Variants in ARHGEF2 observed in about 807,000 individuals in gnomAD.
ARHGEF2 encodes rho guanine nucleotide exchange factor 2.
ARHGEF2 carries 22 observed loss-of-function variants against 121.0 expected under a neutral mutation model. That is an observed-to-expected ratio of 0.18 (90% confidence interval 0.13 to 0.26). ARHGEF2 has a LOEUF of 0.26. Among genes scored for constraint, ARHGEF2 ranks in the 10% least tolerant of loss-of-function variants. ARHGEF2 has a pLI of 1.00. For synonymous variants in ARHGEF2, 487 were observed against 530.0 expected, an observed-to-expected ratio of 0.92 and a Z score of 1.11; for missense variants, 907 against 1,336.0, an observed-to-expected ratio of 0.68 and a Z score of 5.01.
At chr1:155,956,367 G>A (rs1278751021) in intron 13 of ARHGEF2, among the ~76,000 whole-genome samples, 4 of 151,886 alleles carry the variant, frequency 2.6e-5, no homozygotes, top group Admixed American at 6.6e-5. Flanking sequence ...TCAAAGTGCC[G>A]GGATTACAGG....
rs375729023 is a variant in ARHGEF2, at chr1:155,967,002, C to G, written c.209-115G>C. ...ACACAGTCCTCGGGGACTCTCCCCC[C>G]TTCCCCGACTTCTGGGCCATTACCA... On this transcript the variant is annotated intron_variant, in intron 2 of 21. Coordinates refer to ENST00000361247, the MANE Select transcript of ARHGEF2 (RefSeq NM_001162383.2). 115 of 933,306 alleles carry G rather than the reference C, an allele frequency of 1.2e-4. 1 individual carries two copies. Among genetic ancestry groups the G allele is most frequent in the East Asian group, 1.1e-3 (42 of 39,842 alleles). 57.8% of individuals were successfully genotyped at this position (933,306 alleles called of 1,614,324 possible).
At chr1:155,964,196 A>ATG (rs1400204819) in intron 7 of ARHGEF2, among the ~76,000 whole-genome samples, 10 of 123,692 alleles carry the variant, frequency 8.1e-5, no homozygotes, top group Non-Finnish European at 1.2e-4. Flanking sequence ...ATATATATAT[A>ATG]TACATATATA....
intron 7 of ARHGEF2, among the ~76,000 whole-genome samples, chr1:155,964,482 A>G (rs1678938100): frequency 6.6e-6 from 1 of 152,008 alleles, no homozygotes; most frequent in Admixed American, 6.6e-5. Context: ...GTAAAGACTG[A>G]AGACAGAGAT....
rs948917667 is a variant in ARHGEF2 at position 155,970,562 on chromosome 1, C to T, written c.64-1262G>A. The T allele has an allele frequency of 4.1e-6, 4 of 985,414 alleles. No homozygotes were observed. The African/African-American group carries it at 7.0e-5, about 17-fold the overall frequency. 61.0% of individuals were successfully genotyped at this position (985,414 alleles called of 1,614,324 possible). ...GGATCCAGATGGCTGAGGGTAGAAG[C>T]CCCAAGTCAGAGGACCTGGACTGGG... is the stretch of plus-strand genomic sequence containing the variant. On this transcript the variant is annotated intron_variant, in intron 1 of 21. Transcript: ENST00000361247.
chr1:155,962,466 G>A lies in ARHGEF2; in HGVS notation c.1101+127C>T. 1 of 1,362,360 alleles carries A rather than the reference G, an allele frequency of 7.3e-7. No homozygotes were observed. The highest frequency in any genetic ancestry group is 1.0e-6 in the Non-Finnish European group (1 of 981,288). 84.4% of individuals were successfully genotyped at this position (1,362,360 alleles called of 1,614,324 possible). A position where few individuals can be genotyped will look rare whatever the true frequency, so the allele number is the denominator to read the frequency against. ...AGGGGTTACTGCTGACAGGATCTGT[G>A]TATGGATGGTCTGCACGGGTGGCGA... On this transcript the variant is annotated intron_variant, in intron 9 of 21. Transcript: ENST00000361247. This position sits in a 1 kb window ranked among gnomAD's most constrained non-coding sequence, Gnocchi z 5.8.
chr1:155,978,848 C>G, upstream of ARHGEF2: 1 of 988,046 alleles, frequency 1.0e-6, no homozygotes, highest in Non-Finnish European at 1.2e-6. This position sits in a 1 kb window ranked among gnomAD's most constrained non-coding sequence, Gnocchi z 4.1. Context: ...TGGCCCTTTC[C>G]CCTCTGCCCT....
intron 7 of ARHGEF2, 78 bp downstream of exon 7, chr1:155,964,905 AAAAAG>A: frequency 2.7e-5 from 40 of 1,480,568 alleles, no homozygotes; most frequent in African/African-American, 4.3e-5. Flanking sequence ...AAAAAAAAAA[AAAAAG>A]AAAAAGAAAA....
Position 155,966,152 on chromosome 1 carries a change from G to A in ARHGEF2, c.340+264C>T, listed in dbSNP as rs888948843. Among the ~76,000 whole-genome samples the A allele has an allele frequency of 2.6e-5, 4 of 152,222 alleles. No individual in the cohort carries two copies. In the East Asian group the frequency reaches 7.7e-4, roughly 29 times the overall value. On this transcript the variant is annotated intron_variant, in intron 4 of 21. Transcript: ENST00000361247. ...GCTACCAACACTCCCGAAATGCAGT[G>A]TAAATAACTGATAAAAATGCAGGCT...
chr1:155,959,851 G>A (rs1232087971), intron 11 of ARHGEF2, among the ~76,000 whole-genome samples: 1 of 152,256 alleles, frequency 6.6e-6, no homozygotes, highest in Non-Finnish European at 1.5e-5. Context: ...GCCCAGCCTG[G>A]ACCACATTTT....
chr1:155,968,991 G>A (rs576503014), intron 2 of ARHGEF2, 165 bp downstream of exon 2: 1 of 775,532 alleles, frequency 1.3e-6, no homozygotes, highest in East Asian at 2.7e-5. Context: ...ACCCCTCAGA[G>A]TGAGGACAGG....
At position 155,947,673 on chromosome 1, in the gene ARHGEF2, C is replaced by T. The variant is rs1464907552; in HGVS notation, c.*269G>A. ...CCCCTCTCCCCCCATAACTAATAAA[C>T]AATAAATAAATAAATTTTCCTAAAG... On this transcript the variant is annotated 3_prime_UTR_variant, in exon 22 of 22. Coordinates refer to ENST00000361247, the MANE Select transcript of ARHGEF2 (RefSeq NM_001162383.2). The T allele has an allele frequency of 1.0e-5, 5 of 476,462 alleles. No individual in the cohort carries two copies. Among genetic ancestry groups the T allele is most frequent in the Non-Finnish European group, 1.9e-5 (5 of 265,018 alleles). 29.5% of individuals were successfully genotyped at this position (476,462 alleles called of 1,614,324 possible). A position where few individuals can be genotyped will look rare whatever the true frequency, so the allele number is the denominator to read the frequency against.
At position 155,950,179 on chromosome 1, in the gene ARHGEF2, C is replaced by T; in HGVS notation, c.2887+120G>A. 1 of 1,234,886 alleles carries T rather than the reference C, an allele frequency of 8.1e-7. No homozygotes were observed. The allele number at this position is 1,234,886 out of a possible 1,614,324, so 76.5% of individuals were successfully genotyped here. On this transcript the variant is annotated intron_variant, in intron 21 of 21. Coordinates refer to ENST00000361247, the MANE Select transcript of ARHGEF2 (RefSeq NM_001162383.2). The surrounding 1 kb of genome is among the most constrained non-coding windows in gnomAD (Gnocchi z 5.2). ...TTCATCATCAGACAAAACAGGAAGTCCCTCCCTAGAGTTACTACAAGCCTC... is the reference window on the plus strand; with the variant it reads ...TTCATCATCAGACAAAACAGGAAGTTCCTCCCTAGAGTTACTACAAGCCTC...
chr1:155,949,362 A>C (rs1244006447), intron 21 of ARHGEF2, among the ~76,000 whole-genome samples: 1 of 152,118 alleles, frequency 6.6e-6, no homozygotes, highest in Non-Finnish European at 1.5e-5. Flanking sequence ...CAGGCGGATC[A>C]TGAGGTCAAG....
intron 13 of ARHGEF2, among the ~76,000 whole-genome samples, chr1:155,956,451 G>C (rs573778253): frequency 1.3e-5 from 2 of 151,578 alleles, no homozygotes; most frequent in African/African-American, 2.4e-5. Flanking sequence ...AAATTCCATG[G>C]TGCAGAAGTT....
chr1:155,974,864 C>T (rs971496407), intron 1 of ARHGEF2, among the ~76,000 whole-genome samples: 1 of 151,290 alleles, frequency 6.6e-6, no homozygotes, highest in Non-Finnish European at 1.5e-5. Flanking sequence ...GGGGGGTAAG[C>T]GATGCAAACA....
rs907300732 is a variant in ARHGEF2 at position 155,976,351 on chromosome 1, C to T, written c.63+2014G>A. ...TTTTCCGGAGGTGGCCCTCCCCTTC[C>T]GACCGGCCCAAACTGACAACCACCC... On this transcript the variant is annotated intron_variant, in intron 1 of 21. Coordinates refer to ENST00000361247, the MANE Select transcript of ARHGEF2 (RefSeq NM_001162383.2). 1.4e-4 allele frequency among the ~76,000 whole-genome samples: 22 copies of T among 151,900 alleles called. No homozygotes were observed. In the East Asian group the frequency reaches 2.3e-3, roughly 16 times the overall value.
rs574845713 is a variant in ARHGEF2, at chr1:155,957,802, G to A, written c.1626C>T (p.Ser542=). 13 of 1,614,198 alleles carry A rather than the reference G, an allele frequency of 8.1e-6. No individual in the cohort carries two copies. The highest frequency in any genetic ancestry group is 6.7e-5 in the East Asian group (3 of 44,890). The change falls in exon 13 of 22, where the codon AGC becomes AGT. Residue 542 remains serine, a synonymous_variant. Coordinates refer to ENST00000361247, the MANE Select transcript of ARHGEF2 (RefSeq NM_001162383.2). The part of the protein sequence containing the change: ...ANQEKGMFLI[S]AAPPEMYEVH... ...CCTCGTACATCTCAGGTGGGGCTGC[G>A]CTGATCAGAAACATCCCTTTCTCCT...
At position 155,965,558 on chromosome 1, in the gene ARHGEF2, G is replaced by C. The variant is rs943320535; in HGVS notation, c.470+73C>G. On this transcript the variant is annotated intron_variant, in intron 5 of 21. Transcript: ENST00000361247. This position sits in a 1 kb window ranked among gnomAD's most constrained non-coding sequence, Gnocchi z 6.0. ...ACAGTTCTGAACTCAGGGATGGAAA[G>C]GGACCTCTCAGCACCCCCTTGGCCT... The C allele has an allele frequency of 3.4e-5, 54 of 1,608,934 alleles. No individual in the cohort carries two copies. Among genetic ancestry groups the C allele is most frequent in the Middle Eastern group, 1.7e-4 (1 of 6,046 alleles).
chr1:155,972,708 C>CA (rs951954841), intron 1 of ARHGEF2, among the ~76,000 whole-genome samples: 1 of 142,840 alleles, frequency 7.0e-6, no homozygotes. Flanking sequence ...TTTTTTTTTT[C>CA]TTTTTTTTTT....
Sources: gnomAD v4.1 joint callset for allele counts (sites outside exome capture counted in the v4.1 genomes callset) on GRCh38, gnomAD v4.1.1 for gene constraint, Gnocchi (gnomAD v3.1) non-coding constraint, MANE v1.5 for transcripts, NCBI Gene and HGNC (gene_info 2026-07-23, HGNC 2026-07-21) for gene names.